PCSK9: variants seen among roughly 807,000 people sequenced by gnomAD.
The protein encoded by PCSK9 is proprotein convertase subtilisin/kexin type 9, also known as convertase subtilisin/kexin type 9 preproprotein.
Under a neutral mutation model 62.1 loss-of-function variants are expected in PCSK9, and 57 were observed. That is an observed-to-expected ratio of 0.92 (90% CI 0.74 to 1.14). The LOEUF is 1.14. PCSK9 is among the 50% of genes most tolerant of loss of function. The pLI, the probability that PCSK9 is intolerant of heterozygous loss-of-function variation, is 0.00. For missense variants in PCSK9, 870 were observed against 959.8 expected (o/e 0.91, Z 1.24); for synonymous variants, 387 against 409.4 (o/e 0.95, Z 0.66).
chr1:55,045,219 A>G (rs75777418), intron 2 of PCSK9, among the ~76,000 whole-genome samples: 274 of 152,144 alleles, frequency 1.8e-3, no homozygotes, highest in Middle Eastern at 3.4e-3. Context: ...AGAGTAGGCC[A>G]AGCAGAAGGC....
At chr1:55,057,546 T>C in intron 7 of PCSK9, 32 bp downstream of exon 7, 1 of 1,584,782 alleles carries the variant, frequency 6.3e-7, no homozygotes, top group Non-Finnish European at 8.6e-7. Flanking sequence ...TCGGCCACCG[T>C]GATGCTAACA....
In PCSK9 at chr1:55,044,276, A is replaced by C. The variant is rs553203766; in HGVS notation, c.399+242A>C. ...GAAAGACGAGGAGACTGAAGTTCAG[A>C]GGGGACCACACAGACAGCTAGGGGT... On this transcript the variant is annotated intron_variant, in intron 2 of 11. Transcript: ENST00000302118. 5.3e-5 allele frequency among the ~76,000 whole-genome samples: 8 copies of C among 152,316 alleles called. No homozygotes were observed. The East Asian group carries it at 1.3e-3, about 26-fold the overall frequency.
chr1:55,051,298 G>T (rs1260790240), intron 3 of PCSK9: 1 of 430,522 alleles, frequency 2.3e-6, no homozygotes, highest in Admixed American at 2.6e-5. Flanking sequence ...AGCCCAGAGG[G>T]CTGCCCTCTG....
chr1:55,063,998 C>T lies in PCSK9; in HGVS notation c.*414C>T, dbSNP rs13376071. On this transcript the variant is annotated 3_prime_UTR_variant, in exon 12 of 12. Transcript: ENST00000302118. ...TTCTTCCCATGGATAGGGGAGGGGGCGGTAGGGGCTGCAGGGACAAACATC... is the reference window on the plus strand; with the variant it reads ...TTCTTCCCATGGATAGGGGAGGGGGTGGTAGGGGCTGCAGGGACAAACATC... The T allele has an allele frequency of 0.024, 4,814 of 198,254 alleles. 174 individuals carry two copies. Among genetic ancestry groups the T allele is most frequent in the African/African-American group, 0.083 (3,585 of 43,252 alleles). 12.3% of individuals were successfully genotyped at this position (198,254 alleles called of 1,614,324 possible).
intron 5 of PCSK9, among the ~76,000 whole-genome samples, chr1:55,053,621 C>T (rs1644692346): frequency 6.6e-6 from 1 of 152,224 alleles, no homozygotes; most frequent in Non-Finnish European, 1.5e-5. Flanking sequence ...AGAGGCAGCC[C>T]ACTAGCCTGT....
intron 3 of PCSK9, among the ~76,000 whole-genome samples, chr1:55,049,109 C>G (rs1426650791): frequency 6.6e-6 from 1 of 152,188 alleles, no homozygotes; most frequent in Non-Finnish European, 1.5e-5. Flanking sequence ...CAGGCAGCTG[C>G]GAGCCTGTGT....
chr1:55,056,796 G>T (rs941774411), intron 6 of PCSK9, among the ~76,000 whole-genome samples: 3 of 152,196 alleles, frequency 2.0e-5, no homozygotes, highest in African/African-American at 7.2e-5. Context: ...CCAGTGTCAG[G>T]ACACTGCGGG....
intron 5 of PCSK9, among the ~76,000 whole-genome samples, chr1:55,054,214 T>A (rs771993084): frequency 2.5e-4 from 38 of 152,056 alleles, no homozygotes; most frequent in Non-Finnish European, 5.0e-4. Context: ...TGAAACCCCG[T>A]CTCTACTAAA....
In PCSK9 at chr1:55,052,703, G is replaced by A; in HGVS notation, c.711G>A (p.Arg237=). Residue 237 remains arginine, a synonymous_variant, in exon 5 of 12, where the codon CGG becomes CGA. Transcript: ENST00000302118. Reference sequence around the variant, plus strand: ...ACCTGGCAGGGGTGGTCAGCGGCCGGGATGCCGGCGTGGCCAAGGGTGCCA... The same window carrying A: ...ACCTGGCAGGGGTGGTCAGCGGCCGAGATGCCGGCGTGGCCAAGGGTGCCA... ...GTHLAGVVSG[R]DAGVAKGASM... 6.2e-7 allele frequency: 1 copy of A among 1,613,172 alleles called. No individual in the cohort carries two copies. The highest frequency in any genetic ancestry group is 8.5e-7 in the Non-Finnish European group (1 of 1,179,958).
In PCSK9 at chr1:55,059,553, C is replaced by A; in HGVS notation, c.1571C>A (p.Ala524Asp). The change falls in exon 10 of 12, where the codon GCC (alanine) becomes GAC (aspartate). Residue 524 changes from alanine (A) to aspartate (D), a missense_variant. By Grantham distance (126) the Ala-to-Asp change is moderately radical. Transcript: ENST00000302118. ...AFGGEGVYAIARCCLLPQANC... is the reference protein window; with the variant it reads ...AFGGEGVYAIDRCCLLPQANC... ...GGGGGTGAGGGTGTCTACGCCATTG[C>A]CAGGTGCTGCCTGCTACCCCAGGCC... is the stretch of plus-strand genomic sequence containing the variant. 1 of 1,558,284 alleles carries A rather than the reference C, an allele frequency of 6.4e-7. No individual in the cohort carries two copies. The highest frequency in any genetic ancestry group is 1.4e-5 in the African/African-American group (1 of 73,924).
chr1:55,056,461 C>A (rs887422160), intron 6 of PCSK9, among the ~76,000 whole-genome samples: 82 of 152,248 alleles, frequency 5.4e-4, no homozygotes, highest in African/African-American at 1.9e-3. Flanking sequence ...CGTAGCCACG[C>A]CCCCACACCC....
chr1:55,047,732 G>A (rs1210595947), intron 3 of PCSK9, among the ~76,000 whole-genome samples: 1 of 152,190 alleles, frequency 6.6e-6, no homozygotes, highest in Admixed American at 6.5e-5. Flanking sequence ...TTGTGTGGGG[G>A]ACATCCTCTG....
At chr1:55,058,942 C>T (rs1570308168) in intron 9 of PCSK9, among the ~76,000 whole-genome samples, 1 of 152,186 alleles carries the variant, frequency 6.6e-6, no homozygotes, top group Admixed American at 6.5e-5. Context: ...GGCAGGGCCG[C>T]GTGAGGGTCA....
chr1:55,051,112 G>A (rs1314123562), intron 3 of PCSK9: 8 of 455,682 alleles, frequency 1.8e-5, no homozygotes, highest in African/African-American at 1.2e-4. Flanking sequence ...ATTTGTGACC[G>A]AAGCCATAAG....
chr1:55,062,657 A>C (rs756689874), intron 11 of PCSK9, among the ~76,000 whole-genome samples: 2 of 152,214 alleles, frequency 1.3e-5, no homozygotes, highest in Admixed American at 1.3e-4. Context: ...AAAGGCCCCC[A>C]GGTGGGGATG....
rs1644594589 is a variant in PCSK9 at position 55,040,937 on chromosome 1, A to T, written c.207+893A>T. Among the ~76,000 whole-genome samples the T allele has an allele frequency of 6.6e-6, 1 of 152,236 alleles. No individual in the cohort carries two copies. The highest frequency in any genetic ancestry group is 2.4e-5 in the African/African-American group (1 of 41,454). ...AGCTTTTTCTAAGTATTACCAGCCC[A>T]GGACTTGGCTGAGGTTCTGTGTCCC... On this transcript the variant is annotated intron_variant, in intron 1 of 11. Transcript: ENST00000302118. This position sits in a 1 kb window ranked among gnomAD's most constrained non-coding sequence, Gnocchi z 4.1.
intron 3 of PCSK9, among the ~76,000 whole-genome samples, chr1:55,047,603 G>T (rs1249360540): frequency 1.3e-5 from 2 of 152,240 alleles, no homozygotes; most frequent in Non-Finnish European, 2.9e-5. Flanking sequence ...TTTTGGAAGT[G>T]AAAAGTTGGG....
rs1644679694 is a variant in PCSK9, at chr1:55,052,268, C to T, written c.524-10C>T. On this transcript the variant is annotated splice_polypyrimidine_tract_variant and intron_variant, in intron 3 of 11. Transcript: ENST00000302118. Reference sequence around the variant, plus strand: ...ATTCCCTCCTCTCCCACAAATGTCGCCTTGGAAAGACGGAGGCAGCCTGGT... The same window carrying T: ...ATTCCCTCCTCTCCCACAAATGTCGTCTTGGAAAGACGGAGGCAGCCTGGT... 6.2e-7 allele frequency: 1 copy of T among 1,613,724 alleles called. No homozygotes were observed.
At position 55,052,643 on chromosome 1, in the gene PCSK9, C is replaced by A; in HGVS notation, c.658-7C>A. 6.2e-7 allele frequency: 1 copy of A among 1,612,304 alleles called. No homozygotes were observed. Among genetic ancestry groups the A allele is most frequent in the African/African-American group, 1.3e-5 (1 of 74,980 alleles). ...TTTCTCATGTGGTCCTTGTGTTCGT[C>A]GAGCAGGCCAGCAAGTGTGACAGTC... On this transcript the variant is annotated splice_region_variant and splice_polypyrimidine_tract_variant and intron_variant, in intron 4 of 11. Transcript: ENST00000302118.
Sources: gnomAD v4.1 joint callset for allele counts (sites outside exome capture counted in the v4.1 genomes callset) on GRCh38, gnomAD v4.1.1 for gene constraint, Gnocchi (gnomAD v3.1) non-coding constraint, MANE v1.5 for transcripts, NCBI Gene and HGNC (gene_info 2026-07-23, HGNC 2026-07-21) for gene names.